The following RELN variants were observed in gnomAD, a reference collection of about 807,000 sequenced individuals.
RELN encodes reelin.
In RELN, 108 loss-of-function variants were observed where a neutral mutation model predicts 427.6. That is an observed-to-expected ratio of 0.25 (90% CI 0.22 to 0.30). The LOEUF (loss-of-function observed/expected upper bound fraction) is 0.30. RELN is among the 10% of genes least tolerant of loss of function. The probability of loss-of-function intolerance (pLI) is 1.00; values close to 1 mark genes in which losing one functional copy is unlikely to be tolerated. For missense variants in RELN, 3,715 were observed against 4,302.8 expected (o/e 0.86, Z 3.82); for synonymous variants, 1,524 against 1,513.4 (o/e 1.01, Z -0.16).
chr7:103,967,725 C>T (rs1459301432), intron 1 of RELN, among the ~76,000 whole-genome samples: 1 of 152,240 alleles, frequency 6.6e-6, no homozygotes, highest in African/African-American at 2.4e-5. Flanking sequence ...GTTCTGCTCA[C>T]TGTTCACAAA....
In RELN at chr7:103,535,469, T is replaced by G; in HGVS notation, c.7196A>C (p.Tyr2399Ser). 1 of 1,614,002 alleles carries G rather than the reference T, an allele frequency of 6.2e-7. No individual in the cohort carries two copies. Among genetic ancestry groups the G allele is most frequent in the Non-Finnish European group, 8.5e-7 (1 of 1,179,900 alleles). The part of the protein sequence containing the change: ...TDSCYAIELE[Y>S]SVDLGLSWHP... The stretch of plus-strand genomic sequence containing the variant: ...CCATGACAATCCAAGATCTACTGAG[T>G]ATTCCAATTCAATCGCTGAAACAGG... Residue 2399 changes from tyrosine (Y) to serine (S), a missense_variant, in exon 46 of 65, where the codon TAC becomes TCC. By Grantham distance (144) the Tyr-to-Ser change is moderately radical. Coordinates refer to ENST00000428762, the MANE Select transcript of RELN (RefSeq NM_005045.4).
chr7:103,531,019 A>C (rs1178838684), intron 46 of RELN, among the ~76,000 whole-genome samples: 1 of 152,206 alleles, frequency 6.6e-6, no homozygotes, highest in Non-Finnish European at 1.5e-5. Flanking sequence ...TTAAGCTGTG[A>C]CTTAGGAAAA....
intron 37 of RELN, 138 bp downstream of exon 37, chr7:103,557,827 C>A (rs1383484071): frequency 3.4e-6 from 2 of 592,152 alleles, no homozygotes; most frequent in Admixed American, 3.1e-5. Context: ...AAAACATTTG[C>A]AAACATTTAT....
rs543830213 is a variant in RELN, at chr7:103,847,155, C to T, written c.338-13483G>A. On this transcript the variant is annotated intron_variant, in intron 2 of 64. Coordinates refer to ENST00000428762, the MANE Select transcript of RELN (RefSeq NM_005045.4). ...TGCGGCACTGTTCACAATAGCAAAG[C>T]CTCGGAACCAACCCAAATGCTCATC... 1.6e-3 allele frequency among the ~76,000 whole-genome samples: 243 copies of T among 152,214 alleles called. 1 individual carries two copies. Among genetic ancestry groups the T allele is most frequent in the African/African-American group, 5.7e-3 (236 of 41,540 alleles).
chr7:103,707,263 C>T (rs1400927582), intron 8 of RELN, among the ~76,000 whole-genome samples: 9 of 152,022 alleles, frequency 5.9e-5, no homozygotes, highest in Admixed American at 5.9e-4. Flanking sequence ...AAAGATTAAC[C>T]TTCTAAAGAA....
intron 20 of RELN, among the ~76,000 whole-genome samples, chr7:103,612,566 C>T (rs1488912307): frequency 6.6e-5 from 10 of 152,048 alleles, no homozygotes; most frequent in Admixed American, 2.6e-4. Flanking sequence ...TGAGCCACCG[C>T]GCCCAGCCTG....
At chr7:103,637,423 T>C (rs1360232165) in intron 17 of RELN, among the ~76,000 whole-genome samples, 2 of 152,190 alleles carry the variant, frequency 1.3e-5, no homozygotes, top group Non-Finnish European at 2.9e-5. Flanking sequence ...TGACTCAGGA[T>C]ACTTCTTTGG....
At chr7:103,944,366 T>C (rs1046649105) in intron 1 of RELN, among the ~76,000 whole-genome samples, 2 of 152,138 alleles carry the variant, frequency 1.3e-5, no homozygotes, top group Admixed American at 1.3e-4. Flanking sequence ...TGACACCGTG[T>C]TCTCCTTGGA....
intron 1 of RELN, among the ~76,000 whole-genome samples, chr7:103,944,957 T>TA (rs766254430): frequency 2.6e-5 from 4 of 151,860 alleles, no homozygotes; most frequent in Non-Finnish European, 5.9e-5. Context: ...CCCTGAGAAG[T>TA]AAAAAATCCC....
In RELN at chr7:103,566,219, T is replaced by C. The variant is rs1554380236; in HGVS notation, c.4936+5A>G. The C allele has an allele frequency of 6.2e-7, 1 of 1,607,624 alleles. No individual in the cohort carries two copies. Among genetic ancestry groups the C allele is most frequent in the Non-Finnish European group, 8.5e-7 (1 of 1,174,148 alleles). ...ATTTTCCCTTTATCTGGTGACAATA[T>C]ATACCTATGTTTTCAGTGAATATCA... On this transcript the variant is annotated splice_donor_5th_base_variant and intron_variant, in intron 33 of 64. Transcript: ENST00000428762.
Position 103,500,860 on chromosome 7 carries a change from T to A in RELN, c.8552A>T (p.Tyr2851Phe), listed in dbSNP as rs1319092399. The A allele has an allele frequency of 8.1e-6, 13 of 1,613,990 alleles. No individual in the cohort carries two copies. The highest frequency in any genetic ancestry group is 3.3e-5 in the Admixed American group (2 of 59,996). ...GTTGTCCAAGCATCCAGGGCCCAGG[T>A]AGAAATTATCGATTGCCCACTGCAT... ...SDMQWAIDNF[Y>F]LGPGCLDNCR... Residue 2851 changes from tyrosine to phenylalanine, a missense_variant, in exon 53 of 65, where the codon TAC (tyrosine) becomes TTC (phenylalanine). Physicochemically the swap from Tyr to Phe is conservative, Grantham distance 22. Transcript: ENST00000428762.
chr7:103,491,477 T>C (rs749084345), intron 58 of RELN, among the ~76,000 whole-genome samples: 4 of 152,208 alleles, frequency 2.6e-5, no homozygotes, highest in Admixed American at 6.5e-5. Flanking sequence ...GACATATGTA[T>C]ACATTTTGTA....
intron 2 of RELN, among the ~76,000 whole-genome samples, chr7:103,889,118 T>C (rs1348293367): frequency 1.3e-5 from 2 of 152,186 alleles, no homozygotes; most frequent in East Asian, 1.9e-4. Flanking sequence ...TCAAGGGTGA[T>C]TGTGTCAGGA....
rs1827878605 is a variant in RELN at position 103,472,098 on chromosome 7, T to C, written c.*714A>G. On this transcript the variant is annotated 3_prime_UTR_variant, in exon 65 of 65. Coordinates refer to ENST00000428762, the MANE Select transcript of RELN (RefSeq NM_005045.4). ...ATCTTTAGACAAGGAAATGGGAACT[T>C]ATTTGTGGGAGATAGGGTCTTCATC... 1 of 152,448 alleles carries C rather than the reference T, an allele frequency of 6.6e-6. No homozygotes were observed. Among genetic ancestry groups the C allele is most frequent in the African/African-American group, 2.4e-5 (1 of 41,470 alleles). 9.4% of individuals were successfully genotyped at this position (152,448 alleles called of 1,614,324 possible).
At chr7:103,623,370 G>C (rs1307170745) in intron 20 of RELN, among the ~76,000 whole-genome samples, 1 of 152,154 alleles carries the variant, frequency 6.6e-6, no homozygotes, top group African/African-American at 2.4e-5. Context: ...CTATTTAAAA[G>C]ACAAAATTTC....
intron 3 of RELN, among the ~76,000 whole-genome samples, chr7:103,792,848 G>C (rs1309087696): frequency 6.6e-6 from 1 of 152,102 alleles, no homozygotes; most frequent in Non-Finnish European, 1.5e-5. Context: ...GAAGGCTGTA[G>C]ATAAGCTAAT....
intron 2 of RELN, among the ~76,000 whole-genome samples, chr7:103,901,027 TCA>T (rs371815504): frequency 1.3e-5 from 2 of 152,004 alleles, no homozygotes; most frequent in African/African-American, 4.8e-5. Context: ...TCTTGAAAAT[TCA>T]CACTGTCCAT....
chr7:103,660,713 A>T (rs1260062718), intron 12 of RELN, among the ~76,000 whole-genome samples: 1 of 152,176 alleles, frequency 6.6e-6, no homozygotes, highest in Non-Finnish European at 1.5e-5. Flanking sequence ...AAGGCATGTG[A>T]CACCTACTCA....
chr7:103,555,490 T>A (rs1045669338), intron 38 of RELN, among the ~76,000 whole-genome samples: 5 of 152,188 alleles, frequency 3.3e-5, no homozygotes, highest in Admixed American at 1.3e-4. Context: ...AAACATAGTA[T>A]GAAGACAGCA....
Sources: gnomAD v4.1 joint callset for allele counts (sites outside exome capture counted in the v4.1 genomes callset) on GRCh38, gnomAD v4.1.1 for gene constraint, MANE v1.5 for transcripts, NCBI Gene and HGNC (gene_info 2026-07-23, HGNC 2026-07-21) for gene names.